CRAMP1: variants seen among roughly 807,000 people sequenced by gnomAD.
The protein encoded by CRAMP1 is protein cramped-like.
In CRAMP1, 50 loss-of-function variants were observed where a neutral mutation model predicts 115.4. The ratio of observed to expected loss-of-function variants is 0.43; its 90% CI spans 0.35 to 0.55. The LOEUF is 0.55. CRAMP1 is among the 20% of genes least tolerant of loss of function. The pLI is 0.01. For synonymous variants in CRAMP1, 866 were observed against 745.4 expected (o/e 1.16, Z -2.64); for missense variants, 1,679 against 1,721.7 (o/e 0.98, Z 0.44).
At chr16:1,641,692 A>G (rs369224096) in intron 6 of CRAMP1, among the ~76,000 whole-genome samples, 11 of 152,130 alleles carry the variant, frequency 7.2e-5, no homozygotes, top group East Asian at 5.8e-4. Flanking sequence ...CACACAAACA[A>G]CCGGGCCCCT....
chr16:1,656,749 C>T lies in CRAMP1; in HGVS notation c.1992C>T (p.Val664=), dbSNP rs2036779465. ...GQPAARPPKE[V]PASRLAQQLR... is the part of the protein sequence containing the mutation. Reference sequence around the variant, plus strand: ...CTGCCGCCAGGCCCCCGAAGGAGGTCCCCGCCAGCCGGCTGGCTCAGCAGC... The same window carrying T: ...CTGCCGCCAGGCCCCCGAAGGAGGTTCCCGCCAGCCGGCTGGCTCAGCAGC... The change falls in exon 10 of 21, where the codon GTC becomes GTT. Residue 664 remains valine, a synonymous_variant. Coordinates refer to ENST00000397412, the MANE Select transcript of CRAMP1 (RefSeq NM_020825.4). The surrounding 1 kb of genome is among the most constrained non-coding windows in gnomAD (Gnocchi z 5.6). 7 of 1,548,398 alleles carry T rather than the reference C, an allele frequency of 4.5e-6. No individual in the cohort carries two copies. Among genetic ancestry groups the T allele is most frequent in the East Asian group, 4.9e-5 (2 of 40,868 alleles).
At chr16:1,653,924 G>A (rs546094548) in intron 8 of CRAMP1, among the ~76,000 whole-genome samples, 2 of 151,876 alleles carry the variant, frequency 1.3e-5, no homozygotes, top group Admixed American at 1.3e-4. Context: ...GGTGGATCAC[G>A]AGGTTAGGAG....
At chr16:1,673,683 C>G (rs57885957) in intron 20 of CRAMP1, among the ~76,000 whole-genome samples, 198 bp from the exon 21 acceptor site, 3,295 of 152,350 alleles carry the variant, frequency 0.022, 147 homozygotes, top group African/African-American at 0.075. Flanking sequence ...CATAGGCTCT[C>G]TGCGAGCACT....
At chr16:1,663,706 C>G (rs774639873) in intron 13 of CRAMP1, among the ~76,000 whole-genome samples, 1 of 152,178 alleles carries the variant, frequency 6.6e-6, no homozygotes, top group Non-Finnish European at 1.5e-5. Context: ...AGAAAGGAAA[C>G]CCTGCTCCTA....
At chr16:1,673,533 A>G (rs977513919) in intron 20 of CRAMP1, among the ~76,000 whole-genome samples, 3 of 152,158 alleles carry the variant, frequency 2.0e-5, no homozygotes, top group African/African-American at 4.8e-5. Context: ...CTCACTCTGC[A>G]TCTGTTTCTG....
chr16:1,668,782 G>A (rs943347622), intron 18 of CRAMP1, among the ~76,000 whole-genome samples: 4 of 152,188 alleles, frequency 2.6e-5, no homozygotes, highest in African/African-American at 7.2e-5. Context: ...TGTGCAACCC[G>A]TGGTGGCTAC....
At chr16:1,615,564 G>C (rs2036411720) in intron 2 of CRAMP1, among the ~76,000 whole-genome samples, 1 of 152,238 alleles carries the variant, frequency 6.6e-6, no homozygotes. Flanking sequence ...AGAAAGGAAA[G>C]AGTGGTGAAA....
intron 6 of CRAMP1, among the ~76,000 whole-genome samples, chr16:1,651,721 T>TAG: frequency 7.4e-6 from 1 of 135,002 alleles, no homozygotes; most frequent in Non-Finnish European, 1.6e-5. Context: ...AGAGGTCACC[T>TAG]AGAGGTGGAT....
intron 4 of CRAMP1, among the ~76,000 whole-genome samples, chr16:1,632,803 C>T (rs564651708): frequency 2.0e-5 from 3 of 152,338 alleles, no homozygotes; most frequent in African/African-American, 4.8e-5. Context: ...ACACTGGGAC[C>T]CAGGTCTGCG....
chr16:1,627,650 G>C (rs1270797826), intron 3 of CRAMP1, among the ~76,000 whole-genome samples: 5 of 152,198 alleles, frequency 3.3e-5, no homozygotes, highest in Admixed American at 2.0e-4. Flanking sequence ...GGACTGCCGT[G>C]GCAGTGTGGC....
chr16:1,654,032 A>G (rs1479605431), intron 8 of CRAMP1, among the ~76,000 whole-genome samples: 4 of 147,828 alleles, frequency 2.7e-5, no homozygotes, highest in African/African-American at 1.0e-4. Context: ...AATTCCAGCT[A>G]CTCGGGAGGC....
chr16:1,631,530 T>C (rs2036548241), intron 3 of CRAMP1, among the ~76,000 whole-genome samples: 1 of 152,230 alleles, frequency 6.6e-6, no homozygotes, highest in Admixed American at 6.5e-5. Context: ...TGGTTACTGC[T>C]GAGCCCTTCC....
intron 3 of CRAMP1, among the ~76,000 whole-genome samples, chr16:1,627,452 G>A (rs1487640917): frequency 6.6e-6 from 1 of 152,220 alleles, no homozygotes; most frequent in East Asian, 1.9e-4. Flanking sequence ...TGATGGAGAA[G>A]TCTTGTCAAG....
In CRAMP1 at chr16:1,639,408, T is replaced by C. The variant is rs530506986; in HGVS notation, c.778+1501T>C. On this transcript the variant is annotated intron_variant, in intron 5 of 20. Coordinates refer to ENST00000397412, the MANE Select transcript of CRAMP1 (RefSeq NM_020825.4). Reference sequence around the variant, plus strand: ...TTCCCCCTCTAGAGGGGGAAACCTCTAGAGGTTTCCCATTGGCTGCTTGGT... The same window carrying C: ...TTCCCCCTCTAGAGGGGGAAACCTCCAGAGGTTTCCCATTGGCTGCTTGGT... 1.2e-4 allele frequency among the ~76,000 whole-genome samples: 18 copies of C among 150,684 alleles called. No individual in the cohort carries two copies. The East Asian group carries it at 3.0e-3, about 25-fold the overall frequency.
intron 6 of CRAMP1, among the ~76,000 whole-genome samples, chr16:1,649,080 T>C (rs2036701116): frequency 1.3e-5 from 2 of 151,542 alleles, no homozygotes; most frequent in Admixed American, 1.3e-4. Flanking sequence ...AAGAAGTTTG[T>C]CTCAGTACAA....
chr16:1,615,774 T>C (rs1026534048), intron 2 of CRAMP1, among the ~76,000 whole-genome samples: 1 of 152,254 alleles, frequency 6.6e-6, no homozygotes, highest in Non-Finnish European at 1.5e-5. Context: ...CGCAGGTGAA[T>C]GACTCTGATT....
Position 1,614,791 on chromosome 16 carries a change from C to T in CRAMP1, c.152C>T (p.Thr51Ile), listed in dbSNP as rs778126645. 4 of 1,308,022 alleles carry T rather than the reference C, an allele frequency of 3.1e-6. No homozygotes were observed. The highest frequency in any genetic ancestry group is 5.1e-5 in the South Asian group (2 of 39,498). 81.0% of individuals were successfully genotyped at this position (1,308,022 alleles called of 1,614,324 possible). The change falls in exon 2 of 21, where the codon ACC becomes ATC. Residue 51 changes from threonine (T) to isoleucine (I), a missense_variant. This residue lies in a region of CRAMP1 where 264 missense variants were observed against 229.7 expected (regional missense o/e 1.15). Transcript: ENST00000397412. This position sits in a 1 kb window ranked among gnomAD's most constrained non-coding sequence, Gnocchi z 4.4. ...AGCGGCACAAAGAGGGACGAGAAGA[C>T]CCCCCGGGCCGGCGCCGACGGCCCC... ...ESSGTKRDEK[T>I]PRAGADGPPA...
intron 2 of CRAMP1, among the ~76,000 whole-genome samples, chr16:1,620,484 C>T (rs113181314): frequency 9.9e-5 from 15 of 152,266 alleles, no homozygotes; most frequent in African/African-American, 3.4e-4. Context: ...CTGACTCCCT[C>T]GCAGTTGGTG....
rs748775549 is a variant in CRAMP1, at chr16:1,655,204, C to G, written c.1038-15C>G. 1 of 1,609,626 alleles carries G rather than the reference C, an allele frequency of 6.2e-7. No individual in the cohort carries two copies. The highest frequency in any genetic ancestry group is 1.3e-5 in the African/African-American group (1 of 74,858). The stretch of plus-strand genomic sequence containing the variant: ...TTCTGCGAACCTCACTTCCTCCTGT[C>G]TGTCGTCTCCGTAGGATGATCGTGG... On this transcript the variant is annotated splice_polypyrimidine_tract_variant and intron_variant, in intron 8 of 20. Transcript: ENST00000397412.
Sources: allele counts gnomAD v4.1 joint callset (sites outside exome capture counted in the v4.1 genomes callset), GRCh38; gene constraint gnomAD v4.1.1; regional missense constraint gnomAD v4.1.1; non-coding constraint Gnocchi (gnomAD v3.1); transcripts MANE v1.5; gene names NCBI Gene and HGNC (gene_info 2026-07-23, HGNC 2026-07-21).